The following KAT6B variants were observed in gnomAD, a reference collection of about 807,000 sequenced individuals.
KAT6B encodes histone acetyltransferase KAT6B.
KAT6B carries 10 observed loss-of-function variants against 187.5 expected under a neutral mutation model. The ratio of observed to expected loss-of-function variants is 0.05; its 90% CI spans 0.03 to 0.09. The LOEUF is 0.09. KAT6B is among the 10% of genes least tolerant of loss of function. KAT6B has a pLI of 1.00. For synonymous variants in KAT6B, 861 were observed against 926.8 expected, an observed-to-expected ratio of 0.93 and a Z score of 1.29; for missense variants, 1,952 against 2,558.9, an observed-to-expected ratio of 0.76 and a Z score of 5.12.
intron 3 of KAT6B, among the ~76,000 whole-genome samples, chr10:74,910,865 C>G (rs570191940): frequency 1.3e-5 from 2 of 152,160 alleles, no homozygotes; most frequent in Non-Finnish European, 2.9e-5. Context: ...AAATTTCTTT[C>G]CCGATCTTGG....
chr10:74,841,915 C>G (rs1841770892), intron 2 of KAT6B, among the ~76,000 whole-genome samples: 1 of 152,116 alleles, frequency 6.6e-6, no homozygotes, highest in African/African-American at 2.4e-5. Flanking sequence ...CCACTGTCCA[C>G]CTGGAATCAG....
rs1846036228 is a variant in KAT6B at position 75,028,443 on chromosome 10, T to C, written c.3665-46T>C. 7 of 1,613,806 alleles carry C rather than the reference T, an allele frequency of 4.3e-6. No homozygotes were observed. The East Asian group carries it at 1.3e-4, about 31-fold the overall frequency. On this transcript the variant is annotated intron_variant, in intron 17 of 17. Coordinates refer to ENST00000287239, the MANE Select transcript of KAT6B (RefSeq NM_012330.4). ...AATTCAAGTTGCCCATGGTTATGCT[T>C]TCTAAGACTGTTTTTTTTCCTTCCC...
chr10:74,875,412 A>G (rs936820898), intron 3 of KAT6B, among the ~76,000 whole-genome samples: 2 of 152,120 alleles, frequency 1.3e-5, no homozygotes, highest in African/African-American at 4.8e-5. Context: ...CTAGATTACC[A>G]TTAAATGGTA....
chr10:74,980,408 G>A (rs1001076618), intron 10 of KAT6B, among the ~76,000 whole-genome samples: 13 of 152,072 alleles, frequency 8.5e-5, no homozygotes, highest in Admixed American at 3.9e-4. Context: ...GTGAGTGTCT[G>A]GCCAATCACG....
intron 3 of KAT6B, 34 bp downstream of exon 3, chr10:74,843,512 T>C: frequency 6.2e-7 from 1 of 1,611,144 alleles, no homozygotes; most frequent in African/African-American, 1.3e-5. Flanking sequence ...GCATTCTCAC[T>C]ACTGTCCTTT....
intron 3 of KAT6B, among the ~76,000 whole-genome samples, chr10:74,935,954 C>T (rs563225320): frequency 1.3e-5 from 2 of 152,216 alleles, no homozygotes; most frequent in South Asian, 4.1e-4. Context: ...GTGAAGAACA[C>T]CCTAAAAATG....
chr10:74,969,119 C>T (rs1230986249), intron 4 of KAT6B, among the ~76,000 whole-genome samples: 1 of 152,156 alleles, frequency 6.6e-6, no homozygotes, highest in East Asian at 1.9e-4. Flanking sequence ...ATGGAATATC[C>T]TCTGTCTAGC....
intron 1 of KAT6B, among the ~76,000 whole-genome samples, chr10:74,829,775 T>C (rs1252577804): frequency 6.6e-6 from 1 of 151,060 alleles, no homozygotes; most frequent in Non-Finnish European, 1.5e-5. Context: ...TCCCAGCACT[T>C]TGGGAGGCCG....
intron 1 of KAT6B, among the ~76,000 whole-genome samples, chr10:74,830,029 A>C (rs1312891987): frequency 2.7e-5 from 4 of 149,602 alleles, no homozygotes; most frequent in East Asian, 2.0e-4. Flanking sequence ...AAAAAAAAAA[A>C]CAAAAAAAAA....
intron 13 of KAT6B, among the ~76,000 whole-genome samples, chr10:75,006,307 C>T (rs1187552984): frequency 6.6e-6 from 1 of 152,076 alleles, no homozygotes; most frequent in Non-Finnish European, 1.5e-5. Context: ...AAAAAACAAA[C>T]TGATTTAGAG....
intron 3 of KAT6B, among the ~76,000 whole-genome samples, chr10:74,879,530 G>T (rs546300320): frequency 6.6e-6 from 1 of 152,196 alleles, no homozygotes; most frequent in East Asian, 1.9e-4. Flanking sequence ...CTTGGTGCTC[G>T]TGAGATTTTG....
intron 3 of KAT6B, among the ~76,000 whole-genome samples, chr10:74,917,831 A>C (rs1847807999): frequency 6.6e-6 from 1 of 152,240 alleles, no homozygotes; most frequent in Admixed American, 6.5e-5. Flanking sequence ...GGCATTTGGC[A>C]TGAAAGTGTG....
At chr10:74,875,857 T>G (rs1844375587) in intron 3 of KAT6B, among the ~76,000 whole-genome samples, 1 of 152,242 alleles carries the variant, frequency 6.6e-6, no homozygotes, top group South Asian at 2.1e-4. Flanking sequence ...AATTTTTTAC[T>G]GTATGTACTG....
In KAT6B at chr10:74,956,548, A is replaced by G. The variant is rs557488419; in HGVS notation, c.622-3422A>G. ...CACTGATGGAAAGATAATTTTAGAC[A>G]TTTGTTATTCTGAGGAATGGAGGGG... On this transcript the variant is annotated intron_variant, in intron 3 of 17. Coordinates refer to ENST00000287239, the MANE Select transcript of KAT6B (RefSeq NM_012330.4). Among the ~76,000 whole-genome samples, 6 of 152,342 alleles carry G rather than the reference A, an allele frequency of 3.9e-5. No individual in the cohort carries two copies. In the East Asian group the frequency reaches 1.2e-3, roughly 29 times the overall value.
intron 3 of KAT6B, among the ~76,000 whole-genome samples, chr10:74,931,873 G>A (rs1184188210): frequency 6.6e-6 from 1 of 152,128 alleles, no homozygotes; most frequent in Admixed American, 6.5e-5. Context: ...CACCACGCCT[G>A]GCTAATTTTT....
At chr10:74,954,877 C>T (rs1025810539) in intron 3 of KAT6B, among the ~76,000 whole-genome samples, 1 of 152,172 alleles carries the variant, frequency 6.6e-6, no homozygotes, top group Non-Finnish European at 1.5e-5. Context: ...GTACTAGCAT[C>T]TCCCCGCTCT....
chr10:75,002,518 C>T (rs963239561), intron 13 of KAT6B, among the ~76,000 whole-genome samples: 4 of 152,114 alleles, frequency 2.6e-5, no homozygotes, highest in Non-Finnish European at 5.9e-5. Context: ...ACTTCATTGT[C>T]GTGTGAACAT....
chr10:74,956,668 A>G (rs1840716255), intron 3 of KAT6B, among the ~76,000 whole-genome samples: 1 of 152,180 alleles, frequency 6.6e-6, no homozygotes, highest in Non-Finnish European at 1.5e-5. Flanking sequence ...AATGTTACTT[A>G]ACTTCTTAGA....
chr10:74,913,090 T>C (rs2132945622), intron 3 of KAT6B, among the ~76,000 whole-genome samples: 1 of 152,336 alleles, frequency 6.6e-6, no homozygotes, highest in South Asian at 2.1e-4. Context: ...TATGAGTAGT[T>C]GGAGGGGAAG....
Sources: gnomAD v4.1 joint callset for allele counts (sites outside exome capture counted in the v4.1 genomes callset) on GRCh38, gnomAD v4.1.1 for gene constraint, MANE v1.5 for transcripts, NCBI Gene and HGNC (gene_info 2026-07-23, HGNC 2026-07-21) for gene names.